ABTB3: variants seen among roughly 807,000 people sequenced by gnomAD.
ABTB3 encodes the protein ankyrin repeat and BTB domain containing 3.
chr12:107,508,503 G>A, the ABTB3 span, among the ~76,000 whole-genome samples: 1 of 129,894 alleles, frequency 7.7e-6, no homozygotes, highest in Non-Finnish European at 1.6e-5. Flanking sequence ...CCAGGCTGGA[G>A]TGGTGCAGTG....
At chr12:107,319,814 G>C in the ABTB3 span, 68 of 1,312,672 alleles carry the variant, frequency 5.2e-5, no homozygotes, top group Admixed American at 1.1e-4. Context: ...GGAGGCGCCC[G>C]GGGGAGGAGC....
chr12:107,437,641 C>T, the ABTB3 span, among the ~76,000 whole-genome samples: 1 of 152,070 alleles, frequency 6.6e-6, no homozygotes, highest in East Asian at 1.9e-4. Context: ...ACCTCGGGTG[C>T]TCCACCTGCC....
At chr12:107,401,830 T>C in the ABTB3 span, among the ~76,000 whole-genome samples, 1 of 152,126 alleles carries the variant, frequency 6.6e-6, no homozygotes, top group African/African-American at 2.4e-5. Flanking sequence ...ATAAAAGGAA[T>C]CTTTTTCATT....
the ABTB3 span, among the ~76,000 whole-genome samples, chr12:107,647,411 G>T: frequency 1.3e-5 from 2 of 151,702 alleles, no homozygotes. Context: ...AGGCTGAGGT[G>T]GGGGGATTGC....
chr12:107,616,764 T>C, the ABTB3 span, among the ~76,000 whole-genome samples: 1 of 152,214 alleles, frequency 6.6e-6, no homozygotes, highest in East Asian at 1.9e-4. Flanking sequence ...GAAATGTTTA[T>C]ATATGTATAC....
At chr12:107,529,030 ATGG>A in the ABTB3 span, among the ~76,000 whole-genome samples, 1 of 150,334 alleles carries the variant, frequency 6.7e-6, no homozygotes, top group Non-Finnish European at 1.5e-5. Context: ...GATAATGGTG[ATGG>A]TGATGATGAT....
At chr12:107,508,446 T>TTTTTTTTGTG in the ABTB3 span, among the ~76,000 whole-genome samples, 1 of 86,064 alleles carries the variant, frequency 1.2e-5, no homozygotes, top group Non-Finnish European at 2.2e-5. Context: ...TTCTTTTTTT[T>TTTTTTTTGTG]TTTTTTTTTT....
At chr12:107,424,395 C>A in the ABTB3 span, among the ~76,000 whole-genome samples, 1 of 152,196 alleles carries the variant, frequency 6.6e-6, no homozygotes, top group Non-Finnish European at 1.5e-5. Context: ...TCCATTCAGG[C>A]CCATATTCCT....
the ABTB3 span, among the ~76,000 whole-genome samples, chr12:107,354,033 T>C: frequency 1.3e-5 from 2 of 152,192 alleles, no homozygotes; most frequent in Admixed American, 1.3e-4. Context: ...GGTGTGTTTT[T>C]TTCTGTTTTT....
chr12:107,545,964 T>C, the ABTB3 span, among the ~76,000 whole-genome samples: 4 of 152,204 alleles, frequency 2.6e-5, no homozygotes, highest in Non-Finnish European at 4.4e-5. Context: ...AGACACGGCC[T>C]CCTCTGAGCT....
the ABTB3 span, chr12:107,649,167 G>A: frequency 4.1e-5 from 64 of 1,566,816 alleles, no homozygotes; most frequent in Non-Finnish European, 4.7e-5. Flanking sequence ...GAGATGATGC[G>A]TCTTTGCTGT....
the ABTB3 span, among the ~76,000 whole-genome samples, chr12:107,636,023 C>G: frequency 6.6e-6 from 1 of 152,214 alleles, no homozygotes; most frequent in Non-Finnish European, 1.5e-5. Flanking sequence ...AGCACTTGAC[C>G]TACCCCATCT....
At chr12:107,331,019 G>A in the ABTB3 span, among the ~76,000 whole-genome samples, 126 of 152,318 alleles carry the variant, frequency 8.3e-4, 6 homozygotes, top group South Asian at 0.012. Context: ...CTGCCTCTGA[G>A]GTTGAGGCTG....
chr12:107,353,341 A>G, the ABTB3 span, among the ~76,000 whole-genome samples: 1 of 152,182 alleles, frequency 6.6e-6, no homozygotes. Flanking sequence ...ACGGTTAACA[A>G]TCAAAGACTG....
At chr12:107,429,907 C>T in the ABTB3 span, among the ~76,000 whole-genome samples, 3 of 152,192 alleles carry the variant, frequency 2.0e-5, no homozygotes, top group Non-Finnish European at 1.5e-5. Flanking sequence ...AGCCTTACCT[C>T]TTGTAAACAT....
At chr12:107,596,157 C>T in the ABTB3 span, among the ~76,000 whole-genome samples, 1 of 152,190 alleles carries the variant, frequency 6.6e-6, no homozygotes, top group Non-Finnish European at 1.5e-5. Flanking sequence ...AAATATTAGT[C>T]CCTTAATGTT....
the ABTB3 span, among the ~76,000 whole-genome samples, chr12:107,516,057 GCA>G: frequency 0.031 from 1,953 of 62,468 alleles, 38 homozygotes; most frequent in African/African-American, 0.12. Flanking sequence ...GTGTGTGTGC[GCA>G]CACACACACC....
At chr12:107,648,144 G>A in the ABTB3 span, among the ~76,000 whole-genome samples, 1 of 152,136 alleles carries the variant, frequency 6.6e-6, no homozygotes, top group African/African-American at 2.4e-5. Context: ...ACTTTGGGAG[G>A]CCGAGGTGGA....
At chr12:107,558,378 G>T in the ABTB3 span, among the ~76,000 whole-genome samples, 3 of 152,220 alleles carry the variant, frequency 2.0e-5, no homozygotes, top group African/African-American at 7.2e-5. Flanking sequence ...CCCTGCAGGT[G>T]CTCCAGGATG....
Sources: allele counts gnomAD v4.1 joint callset (sites outside exome capture counted in the v4.1 genomes callset), GRCh38; gene constraint gnomAD v4.1.1; transcripts MANE v1.5; gene names NCBI Gene and HGNC (gene_info 2026-07-23, HGNC 2026-07-21).